RBM41: variants seen among roughly 807,000 people sequenced by gnomAD.
RBM41 encodes RNA-binding protein 41.
Under a neutral mutation model 30.8 loss-of-function variants are expected in RBM41, and 14 were observed. The ratio of observed to expected loss-of-function variants is 0.45; its 90% CI spans 0.30 to 0.71. The LOEUF (loss-of-function observed/expected upper bound fraction) is 0.71, where lower values mean the gene tolerates loss of function less well. RBM41 is among the 30% of genes least tolerant of loss of function. RBM41 has a pLI of 0.08. For synonymous variants in RBM41, 120 were observed against 110.1 expected (o/e 1.09, Z -0.56); for missense variants, 276 against 326.3 (o/e 0.85, Z 1.19).
chrX:107,055,757 T>C, the RBM41 span, among the ~76,000 whole-genome samples: 1 of 112,749 alleles, frequency 8.9e-6, no homozygotes, highest in African/African-American at 3.2e-5. Flanking sequence ...TCAAAGTTCT[T>C]GTCAACACTT....
chrX:107,097,543 C>T (rs1439935120), intron 5 of RBM41, among the ~76,000 whole-genome samples: 1 of 111,317 alleles, frequency 9.0e-6, no homozygotes, highest in East Asian at 2.8e-4. Flanking sequence ...CACGCTCTCT[C>T]CTGCCACCTT....
At chrX:107,059,965 C>T (rs1245647007), downstream of RBM41, among the ~76,000 whole-genome samples, 2 of 110,699 alleles carry the variant, frequency 1.8e-5, no homozygotes, top group African/African-American at 6.6e-5. Flanking sequence ...GGGATCCATG[C>T]AGAAATGATT....
chrX:107,064,681 G>A lies in RBM41; in HGVS notation c.*2846C>T, dbSNP rs759086144. ...AGTCTACTTATATTTATTAAGGCTT[G>A]TTTTATGCTTTAACTTATGACCTAT... On this transcript the variant is annotated 3_prime_UTR_variant, in exon 8 of 8. Coordinates refer to ENST00000685964, the MANE Select transcript of RBM41 (RefSeq NM_001324242.2). 2.7e-5 allele frequency: 3 copies of A among 111,954 alleles called. No homozygotes were observed. Among genetic ancestry groups the A allele is most frequent in the African/African-American group, 9.7e-5 (3 of 30,875 alleles). The allele number at this position is 111,954 out of a possible 1,213,427, so 9.2% of individuals were successfully genotyped here.
chrX:107,103,838 T>C (rs1485553742), intron 5 of RBM41, among the ~76,000 whole-genome samples: 2 of 110,843 alleles, frequency 1.8e-5, no homozygotes, highest in African/African-American at 6.6e-5. Flanking sequence ...TCTGAGAGGG[T>C]AGGATGGGAA....
intron 1 of RBM41, 92 bp downstream of exon 1, chrX:107,118,674 A>G (rs917662413): frequency 2.6e-5 from 29 of 1,114,396 alleles, no homozygotes; most frequent in Non-Finnish European, 3.3e-5. Context: ...GAGAACGTGC[A>G]ATACCCAAAC....
Position 107,065,778 on chromosome X carries a change from T to G in RBM41, c.*1749A>C, listed in dbSNP as rs1383370426. 2.6e-6 allele frequency: 3 copies of G among 1,149,421 alleles called. No homozygotes were observed. 94.7% of individuals were successfully genotyped at this position (1,149,421 alleles called of 1,213,427 possible). A position where few individuals can be genotyped will look rare whatever the true frequency, so the allele number is the denominator to read the frequency against. On this transcript the variant is annotated 3_prime_UTR_variant, in exon 8 of 8. Coordinates refer to ENST00000685964, the MANE Select transcript of RBM41 (RefSeq NM_001324242.2). ...TTCAACCTGTTATCGGCAAATATAT[T>G]ATATTTTATACGTTATAGGCCAAAC...
Position 107,105,949 on chromosome X carries a change from T to C in RBM41, c.595+7448A>G, listed in dbSNP as rs763549341. Among the ~76,000 whole-genome samples, 295 of 111,817 alleles carry C rather than the reference T, an allele frequency of 2.6e-3. 2 individuals are homozygous for C. Among genetic ancestry groups the C allele is most frequent in the African/African-American group, 9.1e-3 (281 of 30,796 alleles). ...AACCTAGGCAATACCATTCAGGATA[T>C]AGGCACGGGCAAGGACTTCATGACT... On this transcript the variant is annotated intron_variant, in intron 5 of 7. Coordinates refer to ENST00000685964, the MANE Select transcript of RBM41 (RefSeq NM_001324242.2).
In RBM41 at chrX:107,063,723, TCTC is replaced by T. The variant is rs1935729789; in HGVS notation, c.*3801_*3803del. 3.6e-5 allele frequency among the ~76,000 whole-genome samples: 4 copies of T among 111,413 alleles called. No individual in the cohort carries two copies. The South Asian group carries it at 1.5e-3, about 42-fold the overall frequency. The stretch of plus-strand genomic sequence containing the variant: ...TCATTTCTGATTTTAGTAATTTGAT[TCTC>T]CTTTTTTCCTGGTCAGTCTAGCAGA... On this transcript the variant is annotated 3_prime_UTR_variant, in exon 8 of 8. Transcript: ENST00000685964.
chrX:107,107,877 A>G (rs947427882), intron 5 of RBM41, among the ~76,000 whole-genome samples: 8 of 111,373 alleles, frequency 7.2e-5, no homozygotes, highest in Non-Finnish European at 1.3e-4. Flanking sequence ...AGCCAGAAGG[A>G]TAAGAGAAAG....
intron 5 of RBM41, among the ~76,000 whole-genome samples, chrX:107,090,335 C>CT (rs1264211452): frequency 9.0e-6 from 1 of 111,630 alleles, no homozygotes; most frequent in Non-Finnish European, 1.9e-5. Flanking sequence ...GATCGCGCCA[C>CT]TGCACTGCAG....
rs1322065705 is a variant in RBM41 at position 107,064,408 on chromosome X, T to C, written c.*3119A>G. On this transcript the variant is annotated 3_prime_UTR_variant, in exon 8 of 8. Transcript: ENST00000685964. ...TATGATTTTTTTCTTTGACACATTT[T>C]TTTTTTTTTTTGGTAATGACAGGGT... 9.2e-6 allele frequency: 1 copy of C among 108,632 alleles called. No homozygotes were observed. Among genetic ancestry groups the C allele is most frequent in the African/African-American group, 3.3e-5 (1 of 29,867 alleles). 9.0% of individuals were successfully genotyped at this position (108,632 alleles called of 1,213,427 possible).
Position 107,088,527 on chromosome X carries a change from G to T in RBM41, c.908C>A (p.Pro303Gln), listed in dbSNP as rs745823406. 8 of 1,209,367 alleles carry T rather than the reference G, an allele frequency of 6.6e-6. No individual in the cohort carries two copies. The highest frequency in any genetic ancestry group is 8.9e-6 in the Non-Finnish European group (8 of 894,908). Residue 303 changes from proline (P) to glutamine (Q), a missense_variant, in exon 6 of 8, where the codon CCA becomes CAA. By Grantham distance (76) the Pro-to-Gln change is moderately conservative. Transcript: ENST00000685964. The part of the protein sequence containing the change: ...KKLTQPIEFV[P>Q]EDEIQRNRLS... ...ACGATTTCTCTGGATTTCATCTTCT[G>T]GGACAAATTCTATTGGCTGCGTCAG...
intron 5 of RBM41, among the ~76,000 whole-genome samples, chrX:107,095,439 T>C (rs1166784733): frequency 1.8e-5 from 2 of 108,698 alleles, no homozygotes; most frequent in East Asian, 5.8e-4. Flanking sequence ...CTACTAAAAA[T>C]ACAAAAATTG....
chrX:107,075,640 T>C (rs894677277), intron 6 of RBM41, among the ~76,000 whole-genome samples: 19 of 112,009 alleles, frequency 1.7e-4, no homozygotes, highest in African/African-American at 4.5e-4. Context: ...AGATGCTCAA[T>C]ATTACTATCA....
chrX:107,097,842 T>C (rs775713777), intron 5 of RBM41, among the ~76,000 whole-genome samples: 8 of 111,864 alleles, frequency 7.2e-5, no homozygotes, highest in Non-Finnish European at 1.5e-4. Context: ...ATTCCATTCA[T>C]TATGAAGTAT....
At chrX:107,087,076 T>C in intron 6 of RBM41, among the ~76,000 whole-genome samples, 1 of 111,445 alleles carries the variant, frequency 9.0e-6, no homozygotes, top group South Asian at 3.8e-4. Context: ...AGTGGTTACA[T>C]CTGGAAAGGA....
chrX:107,108,324 G>A (rs1404603990), intron 5 of RBM41, among the ~76,000 whole-genome samples: 4 of 111,623 alleles, frequency 3.6e-5, no homozygotes, highest in South Asian at 3.7e-4. Flanking sequence ...TAGCTATTAG[G>A]ACTTGTTTGT....
chrX:107,103,270 T>A (rs911675051), intron 5 of RBM41, among the ~76,000 whole-genome samples: 1 of 111,245 alleles, frequency 9.0e-6, no homozygotes, highest in African/African-American at 3.3e-5. Flanking sequence ...CAGATGTAGT[T>A]AAATTAAGAT....
chrX:107,077,086 C>T (rs929923314), intron 6 of RBM41, among the ~76,000 whole-genome samples: 2 of 111,552 alleles, frequency 1.8e-5, no homozygotes, highest in Admixed American at 9.5e-5. Flanking sequence ...AAACAAACTT[C>T]GAGTTTCTCA....
Sources: gnomAD v4.1 joint callset for allele counts (sites outside exome capture counted in the v4.1 genomes callset) on GRCh38, gnomAD v4.1.1 for gene constraint, MANE v1.5 for transcripts, NCBI Gene and HGNC (gene_info 2026-07-23, HGNC 2026-07-21) for gene names.